BIRC6: variants seen among roughly 807,000 people sequenced by gnomAD.
BIRC6 encodes the protein dual E2 ubiquitin-conjugating enzyme/E3 ubiquitin-protein ligase BIRC6.
BIRC6 carries 98 observed loss-of-function variants against 503.3 expected under a neutral mutation model. The observed-to-expected ratio is 0.19, with a 90% CI of 0.17 to 0.23. BIRC6 has a LOEUF of 0.23. Ranked by LOEUF, BIRC6 falls within the 10% of genes least tolerant of loss-of-function variation. The pLI, the probability that BIRC6 is intolerant of heterozygous loss-of-function variation, is 1.00. For missense variants in BIRC6, 5,360 were observed against 5,806.0 expected (o/e 0.92, Z 2.50); for synonymous variants, 2,240 against 2,078.7 (o/e 1.08, Z -2.11).
At chr2:32,521,365 CAAAAAAAA>C (rs35410265) in intron 57 of BIRC6, among the ~76,000 whole-genome samples, 17 of 21,514 alleles carry the variant, frequency 7.9e-4, no homozygotes, top group Non-Finnish European at 1.1e-3. Context: ...GACCTCATCT[CAAAAAAAA>C]AAAAAAAAAA....
At chr2:32,471,187 T>G (rs2049054135) in intron 32 of BIRC6, 63 bp downstream of exon 32, 11 of 1,534,776 alleles carry the variant, frequency 7.2e-6, no homozygotes, top group Non-Finnish European at 9.7e-6. Flanking sequence ...TGGTGGGGAT[T>G]TTGAGTGACT....
chr2:32,391,331 T>C (rs1321320304), intron 4 of BIRC6, among the ~76,000 whole-genome samples: 1 of 152,212 alleles, frequency 6.6e-6, no homozygotes, highest in Non-Finnish European at 1.5e-5. Flanking sequence ...AACTTAGGTC[T>C]GTGGAAGGTT....
In BIRC6 at chr2:32,551,297, A is replaced by T. The variant is rs1401473953; in HGVS notation, c.13144+1816A>T. 2.0e-5 allele frequency among the ~76,000 whole-genome samples: 3 copies of T among 152,042 alleles called. No individual in the cohort carries two copies. The East Asian group carries it at 5.8e-4, about 29-fold the overall frequency. ...TTTTTTAAGTGGCTACTATTTATTT[A>T]TTTGAGACAGGGTTTCCCTCTGTCA... is the stretch of plus-strand genomic sequence containing the variant. On this transcript the variant is annotated intron_variant, in intron 65 of 73. Coordinates refer to ENST00000421745, the MANE Select transcript of BIRC6 (RefSeq NM_016252.4).
At chr2:32,592,857 A>G (rs1287369457) in intron 66 of BIRC6, among the ~76,000 whole-genome samples, 2 of 151,890 alleles carry the variant, frequency 1.3e-5, no homozygotes, top group Non-Finnish European at 2.9e-5. Context: ...AGCCTCCCAA[A>G]GTGCTGGGAT....
intron 10 of BIRC6, 75 bp downstream of exon 10, chr2:32,416,238 A>G (rs941698082): frequency 7.2e-7 from 1 of 1,391,948 alleles, no homozygotes; most frequent in Non-Finnish European, 9.7e-7. Flanking sequence ...CAAACCTAGT[A>G]TGAATTTTAG....
chr2:32,378,572 C>A (rs4019436), intron 2 of BIRC6, among the ~76,000 whole-genome samples: 3 of 151,648 alleles, frequency 2.0e-5, no homozygotes, highest in Non-Finnish European at 1.5e-5. Context: ...ATTCTCTTGC[C>A]TCAGCCTCCC....
chr2:32,375,312 A>G (rs909380162), intron 1 of BIRC6, among the ~76,000 whole-genome samples: 1 of 152,126 alleles, frequency 6.6e-6, no homozygotes, highest in African/African-American at 2.4e-5. Context: ...GTAAGAGCAT[A>G]CATCCTTGTC....
intron 72 of BIRC6, among the ~76,000 whole-genome samples, chr2:32,608,750 C>G (rs565267524): frequency 6.6e-6 from 1 of 152,232 alleles, no homozygotes; most frequent in Non-Finnish European, 1.5e-5. Context: ...CTTCTACTAG[C>G]AAACTCTCTA....
At chr2:32,543,090 G>C (rs992321614) in intron 61 of BIRC6, 151 bp from the exon 62 acceptor site, 1 of 911,160 alleles carries the variant, frequency 1.1e-6, no homozygotes, top group African/African-American at 1.7e-5. Flanking sequence ...GTGAGCCACT[G>C]CGCCCGGCTG....
At chr2:32,389,863 A>ATTTT (rs1311770533) in intron 4 of BIRC6, among the ~76,000 whole-genome samples, 1 of 140,086 alleles carries the variant, frequency 7.1e-6, no homozygotes, top group Non-Finnish European at 1.6e-5. Context: ...TGCATGGCTG[A>ATTTT]TTTTTTTTTT....
At chr2:32,398,821 C>G (rs185828973) in intron 6 of BIRC6, among the ~76,000 whole-genome samples, 5 of 152,166 alleles carry the variant, frequency 3.3e-5, no homozygotes, top group Non-Finnish European at 4.4e-5. Flanking sequence ...CTAGATTTAG[C>G]TGGGAGGGAA....
In BIRC6 at chr2:32,401,568, G is replaced by C. The variant is rs755417574; in HGVS notation, c.1363G>C (p.Ala455Pro). The C allele has an allele frequency of 2.0e-5, 32 of 1,614,016 alleles. 2 individuals carry two copies. The South Asian group carries it at 3.5e-4, about 18-fold the overall frequency. Residue 455 changes from alanine to proline, a missense_variant, in exon 8 of 74, where the codon GCG becomes CCG. Physicochemically the swap from Ala to Pro is conservative, Grantham distance 27. Around this residue, in one of 16 missense-constraint regions of BIRC6, gnomAD observed 700 missense variants for 739.3 expected, o/e 0.95. Transcript: ENST00000421745. Reference sequence around the variant, plus strand: ...AGTTGATTCAAGGAGACCAACTTTGGCGTGGCTGGAGGACTCCTCTAGTTG... The same window carrying C: ...AGTTGATTCAAGGAGACCAACTTTGCCGTGGCTGGAGGACTCCTCTAGTTG... ...SGVDSRRPTLAWLEDSSSCSD... is the reference protein window; with the variant it reads ...SGVDSRRPTLPWLEDSSSCSD...
At chr2:32,560,349 A>T (rs1049603348) in intron 65 of BIRC6, among the ~76,000 whole-genome samples, 1 of 152,104 alleles carries the variant, frequency 6.6e-6, no homozygotes, top group African/African-American at 2.4e-5. Context: ...GCCAGTGCTT[A>T]TTATTACCTT....
rs763552918 is a variant in BIRC6 at position 32,553,197 on chromosome 2, C to CAAAAAAAAAAAAAAAAA, written c.13144+3737_13144+3753dup. ...GGGTGACAAGAGTGAAACTCTGTCTCAAAAAAAAAAAAAAAAAAAAAAAAA... is the reference window on the plus strand; with the variant it reads ...GGGTGACAAGAGTGAAACTCTGTCTCAAAAAAAAAAAAAAAAAAAAAAAAAAAAAAAAAAAAAAAAAA... On this transcript the variant is annotated intron_variant, in intron 65 of 73. Coordinates refer to ENST00000421745, the MANE Select transcript of BIRC6 (RefSeq NM_016252.4). Among the ~76,000 whole-genome samples, 18 of 34,950 alleles carry CAAAAAAAAAAAAAAAAA rather than the reference C, an allele frequency of 5.2e-4. 4 individuals carry two copies. Among genetic ancestry groups the CAAAAAAAAAAAAAAAAA allele is most frequent in the Non-Finnish European group, 7.8e-4 (16 of 20,582 alleles). The allele number at this position is 34,950 out of a possible 152,430, so 22.9% of individuals were successfully genotyped here.
At chr2:32,581,361 T>A (rs1487424446) in intron 66 of BIRC6, among the ~76,000 whole-genome samples, 1 of 152,226 alleles carries the variant, frequency 6.6e-6, no homozygotes, top group Non-Finnish European at 1.5e-5. Context: ...TTTTCTTGAT[T>A]GAAAACTGAA....
rs190677687 is a variant in BIRC6 at position 32,430,992 on chromosome 2, A to T, written c.3150A>T (p.Gln1050His). The T allele has an allele frequency of 1.2e-6, 2 of 1,613,164 alleles. No individual in the cohort carries two copies. Among genetic ancestry groups the T allele is most frequent in the Admixed American group, 3.3e-5 (2 of 59,948 alleles). ...ATVPPCWVEV[Q>H]QEQQQRRHPQ... is the part of the protein sequence containing the mutation. ...TTCCTCCATGCTGGGTAGAAGTTCAACAAGAACAGCAGCAAAGGAGGCATC... is the reference window on the plus strand; with the variant it reads ...TTCCTCCATGCTGGGTAGAAGTTCATCAAGAACAGCAGCAAAGGAGGCATC... Residue 1050 changes from glutamine to histidine, a missense_variant, in exon 12 of 74, where the codon CAA (glutamine) becomes CAT (histidine). Physicochemically the swap from Gln to His is conservative, Grantham distance 24. Transcript: ENST00000421745.
At chr2:32,562,511 T>G (rs928270649) in intron 65 of BIRC6, among the ~76,000 whole-genome samples, 1 of 152,240 alleles carries the variant, frequency 6.6e-6, no homozygotes, top group African/African-American at 2.4e-5. Context: ...TTGTGTGGGT[T>G]TTGACAAATG....
intron 66 of BIRC6, among the ~76,000 whole-genome samples, chr2:32,592,148 C>T (rs1473993192): frequency 6.6e-6 from 1 of 152,156 alleles, no homozygotes; most frequent in Non-Finnish European, 1.5e-5. Flanking sequence ...AACATATATT[C>T]AGATACATGT....
intron 57 of BIRC6, 106 bp downstream of exon 57, chr2:32,519,052 A>G (rs751523672): frequency 1.8e-6 from 2 of 1,110,706 alleles, no homozygotes; most frequent in South Asian, 1.6e-5. Flanking sequence ...GCAACCATTG[A>G]TGACTAGGAA....
Sources: allele counts gnomAD v4.1 joint callset (sites outside exome capture counted in the v4.1 genomes callset), GRCh38; gene constraint gnomAD v4.1.1; regional missense constraint gnomAD v4.1.1; transcripts MANE v1.5; gene names NCBI Gene and HGNC (gene_info 2026-07-23, HGNC 2026-07-21).